The following ZNF385D variants were observed in gnomAD, a reference collection of about 807,000 sequenced individuals.
ZNF385D encodes the protein zinc finger protein 385D, also known as zinc finger protein 659.
In ZNF385D, 15 loss-of-function variants were observed where a neutral mutation model predicts 35.8. The observed-to-expected ratio is 0.42, with a 90% confidence interval of 0.28 to 0.64. The LOEUF (loss-of-function observed/expected upper bound fraction) is 0.64. Ranked by LOEUF, ZNF385D falls within the 30% of genes least tolerant of loss-of-function variation. ZNF385D has a pLI of 0.23. For synonymous variants in ZNF385D, 212 were observed against 186.8 expected, an observed-to-expected ratio of 1.13 and a Z score of -1.10; for missense variants, 474 against 494.6, an observed-to-expected ratio of 0.96 and a Z score of 0.39.
At chr3:22,297,609 G>T (rs1449596371) in intron 2 of ZNF385D, among the ~76,000 whole-genome samples, 2 of 152,086 alleles carry the variant, frequency 1.3e-5, no homozygotes, top group African/African-American at 4.8e-5. Flanking sequence ...TGAAATAGTT[G>T]TCTAGAGGAG....
chr3:22,257,828 T>G (rs926519639), intron 2 of ZNF385D, among the ~76,000 whole-genome samples: 12 of 151,854 alleles, frequency 7.9e-5, no homozygotes, highest in African/African-American at 2.2e-4. Context: ...TAAATAAAAA[T>G]TCCTGGTGAC....
chr3:22,213,429 A>C (rs1351011666), intron 2 of ZNF385D, among the ~76,000 whole-genome samples: 1 of 152,096 alleles, frequency 6.6e-6, no homozygotes, highest in East Asian at 1.9e-4. Flanking sequence ...GGATTGTCAC[A>C]TAAACAGATG....
intron 3 of ZNF385D, among the ~76,000 whole-genome samples, chr3:21,853,708 A>T (rs1189092439): frequency 6.6e-6 from 1 of 151,784 alleles, no homozygotes; most frequent in East Asian, 1.9e-4. Context: ...TTGACATGTC[A>T]TTTCATCACG....
intron 2 of ZNF385D, among the ~76,000 whole-genome samples, chr3:21,653,128 C>G (rs1475639291): frequency 6.6e-6 from 1 of 152,144 alleles, no homozygotes; most frequent in Non-Finnish European, 1.5e-5. Flanking sequence ...AAAATACACA[C>G]ACATACACAT....
At chr3:21,968,476 C>A (rs1397633189) in intron 3 of ZNF385D, among the ~76,000 whole-genome samples, 1 of 152,008 alleles carries the variant, frequency 6.6e-6, no homozygotes, top group South Asian at 2.1e-4. Flanking sequence ...CAGCCCCAGG[C>A]AGAAGAGCTC....
At chr3:21,576,125 C>T (rs533167612) in intron 2 of ZNF385D, among the ~76,000 whole-genome samples, 1 of 152,250 alleles carries the variant, frequency 6.6e-6, no homozygotes, top group Admixed American at 6.5e-5. Flanking sequence ...AACAGTGGAG[C>T]AGTTGGTTTA....
chr3:21,793,263 G>A (rs369614037), intron 3 of ZNF385D, among the ~76,000 whole-genome samples: 9 of 152,298 alleles, frequency 5.9e-5, no homozygotes, highest in East Asian at 3.9e-4. Context: ...TTTATTAATA[G>A]TGAAAATAAT....
At chr3:22,068,255 A>G (rs576111423) in intron 3 of ZNF385D, among the ~76,000 whole-genome samples, 1 of 152,174 alleles carries the variant, frequency 6.6e-6, no homozygotes, top group Admixed American at 6.5e-5. Context: ...TGCTAATTCT[A>G]TTCTTTTTTT....
At chr3:21,920,041 C>T (rs1418673234) in intron 3 of ZNF385D, among the ~76,000 whole-genome samples, 1 of 152,148 alleles carries the variant, frequency 6.6e-6, no homozygotes, top group African/African-American at 2.4e-5. Flanking sequence ...AAAATATGTT[C>T]TGAGAGTCAA....
intron 3 of ZNF385D, among the ~76,000 whole-genome samples, chr3:21,976,183 C>T (rs1703612803): frequency 6.6e-6 from 1 of 152,052 alleles, no homozygotes; most frequent in African/African-American, 2.4e-5. Flanking sequence ...CTTGGCCTGC[C>T]AGAGGATAGG....
At chr3:21,522,820 A>G (rs994269938) in intron 3 of ZNF385D, among the ~76,000 whole-genome samples, 1 of 151,752 alleles carries the variant, frequency 6.6e-6, no homozygotes, top group African/African-American at 2.4e-5. Flanking sequence ...AAGAAAAAAA[A>G]TTTTTTGTTT....
chr3:21,946,144 T>A (rs1701771257), intron 3 of ZNF385D, among the ~76,000 whole-genome samples: 1 of 152,130 alleles, frequency 6.6e-6, no homozygotes. Flanking sequence ...ATTAGGATCT[T>A]CTCTTTTGGA....
intron 3 of ZNF385D, among the ~76,000 whole-genome samples, chr3:21,830,072 C>T (rs1327806021): frequency 2.6e-5 from 4 of 151,714 alleles, no homozygotes; most frequent in South Asian, 2.1e-4. Context: ...TGCAGTGGCC[C>T]GAGATATCAC....
intron 3 of ZNF385D, among the ~76,000 whole-genome samples, chr3:21,794,082 C>A (rs1027527684): frequency 6.6e-6 from 1 of 152,138 alleles, no homozygotes; most frequent in Non-Finnish European, 1.5e-5. Flanking sequence ...TAAAAAACTA[C>A]TGCTGACAGT....
At chr3:22,129,771 G>A (rs1420609844) in intron 3 of ZNF385D, among the ~76,000 whole-genome samples, 1 of 152,162 alleles carries the variant, frequency 6.6e-6, no homozygotes, top group Non-Finnish European at 1.5e-5. Context: ...CTCTCCAGGA[G>A]CTAAAGCCTG....
At chr3:22,215,905 ACCGG>A (rs1697850286) in intron 2 of ZNF385D, among the ~76,000 whole-genome samples, 1 of 151,982 alleles carries the variant, frequency 6.6e-6, no homozygotes, top group Non-Finnish European at 1.5e-5. Context: ...TATTTCTCAG[ACCGG>A]CCGACACTTA....
chr3:22,068,957 A>C (rs1700099486), intron 3 of ZNF385D, among the ~76,000 whole-genome samples: 1 of 152,156 alleles, frequency 6.6e-6, no homozygotes. Context: ...ATGACATTAC[A>C]TATCCAGGTG....
intron 3 of ZNF385D, chr3:22,133,888 G>C (rs1255267054): frequency 6.6e-6 from 1 of 151,544 alleles, no homozygotes; most frequent in Non-Finnish European, 1.5e-5. Flanking sequence ...AGGGATAATT[G>C]TGACAGATAA....
chr3:22,034,155 A>G (rs183843313), intron 3 of ZNF385D, among the ~76,000 whole-genome samples: 2 of 152,220 alleles, frequency 1.3e-5, no homozygotes, highest in Admixed American at 6.5e-5. Flanking sequence ...TTATTCCCCA[A>G]TGTGATTGCA....
Sources: gnomAD v4.1 joint callset for allele counts (sites outside exome capture counted in the v4.1 genomes callset) on GRCh38, gnomAD v4.1.1 for gene constraint, MANE v1.5 for transcripts, NCBI Gene and HGNC (gene_info 2026-07-23, HGNC 2026-07-21) for gene names.